Variants in ROBO1 observed in about 807,000 individuals in gnomAD.
The protein encoded by ROBO1 is roundabout guidance receptor 1.
Under a neutral mutation model 195.9 loss-of-function variants are expected in ROBO1, and 149 were observed. The ratio of observed to expected loss-of-function variants is 0.76; its 90% confidence interval spans 0.67 to 0.87. ROBO1 has a LOEUF of 0.87. Ranked by LOEUF, ROBO1 falls within the 40% of genes least tolerant of loss-of-function variation. ROBO1 has a pLI of 0.00. For synonymous variants in ROBO1, 816 were observed against 733.2 expected, an observed-to-expected ratio of 1.11 and a Z score of -1.82; for missense variants, 1,933 against 2,068.3, an observed-to-expected ratio of 0.93 and a Z score of 1.27.
At chr3:78,744,246 A>G (rs2082602208) in intron 5 of ROBO1, among the ~76,000 whole-genome samples, 1 of 152,180 alleles carries the variant, frequency 6.6e-6, no homozygotes, top group Non-Finnish European at 1.5e-5. Context: ...CCAGTCTGTT[A>G]GCAAATTCTG....
At chr3:78,787,926 C>CTTTTTTTTTTTTTTT (rs71127358) in intron 4 of ROBO1, among the ~76,000 whole-genome samples, 4 of 71,672 alleles carry the variant, frequency 5.6e-5, no homozygotes, top group Non-Finnish European at 7.1e-5. Flanking sequence ...GACCCCTTCT[C>CTTTTTTTTTTTTTTT]TTTTTTTTTT....
chr3:79,033,913 T>G (rs1310250373), intron 3 of ROBO1, among the ~76,000 whole-genome samples: 1 of 152,144 alleles, frequency 6.6e-6, no homozygotes, highest in African/African-American at 2.4e-5. Flanking sequence ...ACCTTCTTAT[T>G]CTACCCTCAG....
chr3:79,578,723 A>C (rs960742424), intron 2 of ROBO1, among the ~76,000 whole-genome samples: 1 of 152,170 alleles, frequency 6.6e-6, no homozygotes, highest in Admixed American at 6.5e-5. Context: ...ATACTAAAAA[A>C]TTTCCTGTCA....
chr3:79,059,612 C>A (rs571764997), intron 3 of ROBO1, among the ~76,000 whole-genome samples: 77 of 152,120 alleles, frequency 5.1e-4, no homozygotes, highest in Admixed American at 1.4e-3. Flanking sequence ...ATTAGTTCCC[C>A]CAAATTAATA....
At chr3:78,946,536 A>G (rs1185195990) in intron 3 of ROBO1, among the ~76,000 whole-genome samples, 1 of 152,228 alleles carries the variant, frequency 6.6e-6, no homozygotes, top group Admixed American at 6.5e-5. Flanking sequence ...TAAATGTGGA[A>G]AGGAACAACT....
rs562694627 is a variant in ROBO1, at chr3:79,049,081, C to T, written c.172+76375G>A. ...TTGACAGAAGTAGTCTTCAGAAGGT[C>T]GGTAATAACAAACTTCTCTGAGCTA... On this transcript the variant is annotated intron_variant, in intron 3 of 30. Coordinates refer to ENST00000464233, the MANE Select transcript of ROBO1 (RefSeq NM_002941.4). 5.3e-5 allele frequency among the ~76,000 whole-genome samples: 8 copies of T among 152,136 alleles called. No homozygotes were observed. The South Asian group carries it at 6.2e-4, about 12-fold the overall frequency.
At chr3:79,564,898 A>G (rs1943042486) in intron 2 of ROBO1, among the ~76,000 whole-genome samples, 3 of 152,120 alleles carry the variant, frequency 2.0e-5, no homozygotes, top group Admixed American at 2.0e-4. Context: ...AAGCCTATGA[A>G]ATACACTTCA....
intron 1 of ROBO1, among the ~76,000 whole-genome samples, chr3:79,610,441 C>G (rs955876051): frequency 1.5e-4 from 22 of 151,636 alleles, no homozygotes; most frequent in Non-Finnish European, 1.8e-4. Flanking sequence ...CTTCGGAAAG[C>G]AAAAATACTG....
chr3:79,492,445 A>G (rs1004046643), intron 2 of ROBO1, among the ~76,000 whole-genome samples: 10 of 150,368 alleles, frequency 6.7e-5, no homozygotes, highest in South Asian at 2.1e-4. Context: ...AAAAAAAAAA[A>G]AGAGACTGTA....
At chr3:79,223,769 C>A (rs1011689220) in intron 2 of ROBO1, among the ~76,000 whole-genome samples, 20 of 152,140 alleles carry the variant, frequency 1.3e-4, no homozygotes, top group Non-Finnish European at 2.9e-5. Flanking sequence ...GATAGGTAAT[C>A]AAGCATCACT....
At chr3:79,210,583 T>C (rs918673860) in intron 2 of ROBO1, among the ~76,000 whole-genome samples, 10 of 152,096 alleles carry the variant, frequency 6.6e-5, no homozygotes, top group African/African-American at 2.4e-4. Flanking sequence ...TCTTTTCATA[T>C]GAGAAAAGGA....
At chr3:79,354,953 G>C (rs1221925354) in intron 2 of ROBO1, among the ~76,000 whole-genome samples, 1 of 152,044 alleles carries the variant, frequency 6.6e-6, no homozygotes, top group Non-Finnish European at 1.5e-5. Flanking sequence ...GGATCACGAG[G>C]TCAGGAGTTC....
intron 18 of ROBO1, among the ~76,000 whole-genome samples, chr3:78,652,315 C>T (rs778488991): frequency 3.3e-5 from 5 of 152,042 alleles, no homozygotes; most frequent in Non-Finnish European, 7.4e-5. Context: ...ACAAATAATA[C>T]ATGTACACAT....
rs1413647550 is a variant in ROBO1, at chr3:79,560,496, T to C, written c.88+29328A>G. 1.2e-4 allele frequency among the ~76,000 whole-genome samples: 18 copies of C among 145,920 alleles called. No homozygotes were observed. In the East Asian group the frequency reaches 3.6e-3, roughly 29 times the overall value. ...ATGTATACATATGTTAGTTACATTG[T>C]GCACATGTACCCTAAAACTTAAAGT... On this transcript the variant is annotated intron_variant, in intron 2 of 30. Transcript: ENST00000464233.
At chr3:79,183,032 G>C (rs1165781573) in intron 2 of ROBO1, among the ~76,000 whole-genome samples, 2 of 145,392 alleles carry the variant, frequency 1.4e-5, no homozygotes, top group African/African-American at 5.3e-5. Context: ...AGTGAGCCGA[G>C]ATCGCGCCGC....
At chr3:78,718,912 C>T (rs1374553480) in intron 5 of ROBO1, among the ~76,000 whole-genome samples, 2 of 135,462 alleles carry the variant, frequency 1.5e-5, no homozygotes, top group Admixed American at 7.4e-5. Context: ...GGGAGGGAAA[C>T]ATTCTAGCAC....
intron 3 of ROBO1, among the ~76,000 whole-genome samples, chr3:78,963,500 TTTTTTTTTTTTTTTTTTTTTC>T: frequency 8.4e-6 from 1 of 118,622 alleles, no homozygotes; most frequent in Non-Finnish European, 1.8e-5. Flanking sequence ...TTCAGTTTTT[TTTTTTTTTTTTTTTTTTTTTC>T]TTTTTTTTTT....
At chr3:79,260,835 T>A (rs1262742207) in intron 2 of ROBO1, among the ~76,000 whole-genome samples, 1 of 152,112 alleles carries the variant, frequency 6.6e-6, no homozygotes, top group Non-Finnish European at 1.5e-5. Flanking sequence ...AATCATGATA[T>A]CTAATTTTCC....
chr3:79,320,029 G>A (rs1323885070), intron 2 of ROBO1, among the ~76,000 whole-genome samples: 1 of 152,120 alleles, frequency 6.6e-6, no homozygotes, highest in Non-Finnish European at 1.5e-5. Flanking sequence ...ATTTCATGGA[G>A]AAACATATGT....
Sources: gnomAD v4.1 joint callset for allele counts (sites outside exome capture counted in the v4.1 genomes callset) on GRCh38, gnomAD v4.1.1 for gene constraint, MANE v1.5 for transcripts, NCBI Gene and HGNC (gene_info 2026-07-23, HGNC 2026-07-21) for gene names.